Variants in UBAC2 observed in about 807,000 individuals in gnomAD.
The protein encoded by UBAC2 is UBA domain containing 2.
Under a neutral mutation model 44.0 loss-of-function variants are expected in UBAC2, and 26 were observed. The observed-to-expected ratio is 0.59, with a 90% CI of 0.43 to 0.82. The LOEUF is 0.82. UBAC2 is among the 40% of genes least tolerant of loss of function. The pLI is 0.00. For synonymous variants in UBAC2, 155 were observed against 154.3 expected (o/e 1.00, Z -0.04); for missense variants, 329 against 419.4 (o/e 0.78, Z 1.88).
intron 4 of UBAC2, among the ~76,000 whole-genome samples, chr13:99,287,643 C>CTTTTTTTTTTTTTTTT (rs11304203): frequency 8.1e-4 from 77 of 95,122 alleles, no homozygotes; most frequent in Non-Finnish European, 9.3e-4. Context: ...TTTTTTCTTT[C>CTTTTTTTTTTTTTTTT]TTTTTTTTTT....
intron 7 of UBAC2, among the ~76,000 whole-genome samples, chr13:99,364,617 T>A (rs1047841866): frequency 2.0e-5 from 3 of 152,130 alleles, no homozygotes; most frequent in Non-Finnish European, 2.9e-5. Flanking sequence ...ACTTCACCTG[T>A]AGGTTTTTGG....
Position 99,281,116 on chromosome 13 carries a change from G to A in UBAC2, c.390-32981G>A, listed in dbSNP as rs1201916037. Among the ~76,000 whole-genome samples the A allele has an allele frequency of 3.3e-5, 5 of 152,138 alleles. No homozygotes were observed. In the East Asian group the frequency reaches 9.7e-4, roughly 29 times the overall value. ...CAGGAGAATAGCTTGAACCCAGGAG[G>A]CAGAGGAGGTTGCAGTGAGATGAGA... On this transcript the variant is annotated intron_variant, in intron 4 of 8. Transcript: ENST00000403766.
chr13:99,200,936 C>T lies in UBAC2; in HGVS notation c.28C>T (p.Leu10Phe), dbSNP rs891733535. The T allele has an allele frequency of 1.5e-6, 2 of 1,308,926 alleles. No homozygotes were observed. Among genetic ancestry groups the T allele is most frequent in the African/African-American group, 1.5e-5 (1 of 66,110 alleles). 81.1% of individuals were successfully genotyped at this position (1,308,926 alleles called of 1,614,324 possible). A position where few individuals can be genotyped will look rare whatever the true frequency, so the allele number is the denominator to read the frequency against. The change falls in exon 1 of 9, where the codon CTC (leucine) becomes TTC (phenylalanine). Residue 10 changes from leucine to phenylalanine, a missense_variant. Coordinates refer to ENST00000403766, the MANE Select transcript of UBAC2 (RefSeq NM_001144072.2). MFTSTGSSG[L>F]YKAPLSKSLL... ...GTTCACCAGCACCGGCTCCAGTGGG[C>T]TCTGTGAGTACCGGCCTCCGCCATC...
intron 4 of UBAC2, among the ~76,000 whole-genome samples, chr13:99,276,145 G>C (rs1197876918): frequency 2.0e-5 from 3 of 152,194 alleles, no homozygotes; most frequent in Non-Finnish European, 4.4e-5. Context: ...CCAAGATGGG[G>C]AGAGGCAGTG....
At chr13:99,314,991 A>T (rs1332091707) in intron 5 of UBAC2, among the ~76,000 whole-genome samples, 1 of 152,066 alleles carries the variant, frequency 6.6e-6, no homozygotes, top group Admixed American at 6.5e-5. Flanking sequence ...TACTCATAAC[A>T]TTCCTTATCC....
At chr13:99,248,001 C>T (rs993524060) in intron 4 of UBAC2, among the ~76,000 whole-genome samples, 10 of 152,164 alleles carry the variant, frequency 6.6e-5, no homozygotes, top group African/African-American at 1.9e-4. Context: ...TTTAACCTCT[C>T]GTTGTTTCAT....
chr13:99,349,589 G>C (rs1373696903), intron 7 of UBAC2, among the ~76,000 whole-genome samples: 1 of 152,204 alleles, frequency 6.6e-6, no homozygotes, highest in Non-Finnish European at 1.5e-5. Flanking sequence ...AGCAAGTCAC[G>C]TAATCACAGG....
Position 99,340,340 on chromosome 13 carries a change from C to G in UBAC2, c.582C>G (p.Asp194Glu), listed in dbSNP as rs759271113. 26 of 1,614,222 alleles carry G rather than the reference C, an allele frequency of 1.6e-5. No individual in the cohort carries two copies. The highest frequency in any genetic ancestry group is 1.9e-5 in the Non-Finnish European group (23 of 1,180,042). ...TCTAGATGTCCGGTCTGTGCTACGA[C>G]AGCAAAATGTTCCAGGTGCATCAGG... ...ISGLMSGLCY[D>E]SKMFQVHQVL... The change falls in exon 7 of 9, where the codon GAC becomes GAG. Residue 194 changes from aspartate to glutamate, a missense_variant. By Grantham distance (45) the Asp-to-Glu change is conservative. Coordinates refer to ENST00000403766, the MANE Select transcript of UBAC2 (RefSeq NM_001144072.2).
Position 99,339,889 on chromosome 13 carries a change from G to A in UBAC2, c.562-431G>A, listed in dbSNP as rs73570107. 3.3e-3 allele frequency among the ~76,000 whole-genome samples: 501 copies of A among 152,342 alleles called. 5 individuals carry two copies. The highest frequency in any genetic ancestry group is 0.012 in the African/African-American group (482 of 41,576). ...GTTTATTCTCTGATAAATTGATCGTGTGACTGGGTCAGCTGAGACATGGCA... is the reference window on the plus strand; with the variant it reads ...GTTTATTCTCTGATAAATTGATCGTATGACTGGGTCAGCTGAGACATGGCA... On this transcript the variant is annotated intron_variant, in intron 6 of 8. Transcript: ENST00000403766.
intron 7 of UBAC2, among the ~76,000 whole-genome samples, chr13:99,350,305 A>G (rs2045063204): frequency 6.6e-6 from 1 of 152,180 alleles, no homozygotes; most frequent in Non-Finnish European, 1.5e-5. Flanking sequence ...GTCTTTTCAC[A>G]TGGATGACTG....
At chr13:99,351,770 G>C (rs1224492363) in intron 7 of UBAC2, 3 of 456,590 alleles carry the variant, frequency 6.6e-6, no homozygotes, top group African/African-American at 6.0e-5. Context: ...AAGCCAAGTG[G>C]GACATTTGGC....
intron 1 of UBAC2, among the ~76,000 whole-genome samples, chr13:99,207,055 TTCTC>T (rs1190503054): frequency 6.6e-6 from 1 of 152,226 alleles, no homozygotes; most frequent in Non-Finnish European, 1.5e-5. Context: ...TTTACCTTCA[TTCTC>T]TCTCCTGCAG....
chr13:99,277,347 G>A (rs1381960465), intron 4 of UBAC2, among the ~76,000 whole-genome samples: 2 of 152,042 alleles, frequency 1.3e-5, no homozygotes, highest in Non-Finnish European at 2.9e-5. Flanking sequence ...CCAACATGGA[G>A]AAACCCCGTC....
rs1203275307 is a variant in UBAC2, at chr13:99,386,433, TC to T, written c.*1099del. ...TAAAGTTTTTAATGTGTTTTACTCT[TC>T]AGTATTTTTCTATCAGACTTGTACA... is the stretch of plus-strand genomic sequence containing the variant. On this transcript the variant is annotated 3_prime_UTR_variant, in exon 9 of 9. Transcript: ENST00000403766. 2.6e-5 allele frequency: 4 copies of T among 152,262 alleles called. No homozygotes were observed. The highest frequency in any genetic ancestry group is 6.5e-5 in the Admixed American group (1 of 15,294). The allele number at this position is 152,262 out of a possible 1,614,324, so 9.4% of individuals were successfully genotyped here.
rs1039069701 is a variant in UBAC2 at position 99,311,830 on chromosome 13, G to C, written c.390-2267G>C. 2.0e-5 allele frequency among the ~76,000 whole-genome samples: 3 copies of C among 152,208 alleles called. No individual in the cohort carries two copies. In the South Asian group the frequency reaches 6.2e-4, roughly 32 times the overall value. On this transcript the variant is annotated intron_variant, in intron 4 of 8. Coordinates refer to ENST00000403766, the MANE Select transcript of UBAC2 (RefSeq NM_001144072.2). ...GAACCAGGACTGCCTCTTCTTCCCT[G>C]TCCTGGGGTGCTCAGCCTGGGAAGA...
rs11338165 is a variant in UBAC2, at chr13:99,216,834, C to CTTTTTTTT, written c.31+15901_31+15908dup. Among the ~76,000 whole-genome samples, 1,184 of 140,574 alleles carry CTTTTTTTT rather than the reference C, an allele frequency of 8.4e-3. 31 individuals are homozygous for CTTTTTTTT. The highest frequency in any genetic ancestry group is 0.03 in the African/African-American group (1,126 of 37,556). 92.2% of individuals were successfully genotyped at this position (140,574 alleles called of 152,430 possible). A position where few individuals can be genotyped will look rare whatever the true frequency, so the allele number is the denominator to read the frequency against. ...TTTTTGTTGGACTCTTTTCTTTTTT[C>CTTTTTTTT]TTTTTTTTTTTTTGAGACGAAGTCT... is the stretch of plus-strand genomic sequence containing the variant. On this transcript the variant is annotated intron_variant, in intron 1 of 8. Coordinates refer to ENST00000403766, the MANE Select transcript of UBAC2 (RefSeq NM_001144072.2).
chr13:99,333,988 A>G (rs1422884824), intron 6 of UBAC2, among the ~76,000 whole-genome samples: 1 of 152,158 alleles, frequency 6.6e-6, no homozygotes, highest in African/African-American at 2.4e-5. Context: ...TTGCTCCGTC[A>G]CCCAGGCTGG....
chr13:99,348,323 C>CTG (rs1298160215), intron 7 of UBAC2, among the ~76,000 whole-genome samples: 1 of 152,144 alleles, frequency 6.6e-6, no homozygotes, highest in African/African-American at 2.4e-5. Flanking sequence ...CTACAGGAGT[C>CTG]TGTGCAAAGA....
At chr13:99,270,921 G>A (rs1324798813) in intron 4 of UBAC2, among the ~76,000 whole-genome samples, 1 of 152,188 alleles carries the variant, frequency 6.6e-6, no homozygotes, top group African/African-American at 2.4e-5. Flanking sequence ...ATGCATGAAT[G>A]AATGAGAGAA....
Sources: allele counts gnomAD v4.1 joint callset (sites outside exome capture counted in the v4.1 genomes callset), GRCh38; gene constraint gnomAD v4.1.1; transcripts MANE v1.5; gene names NCBI Gene and HGNC (gene_info 2026-07-23, HGNC 2026-07-21).